The following TEKT5 variants were observed in gnomAD, a reference collection of about 807,000 sequenced individuals.
TEKT5 encodes the protein tektin-5.
TEKT5 carries 52 observed loss-of-function variants against 48.7 expected under a neutral mutation model. The observed-to-expected ratio is 1.07, with a 90% CI of 0.86 to 1.35. The LOEUF is 1.35. Ranked by LOEUF, TEKT5 falls within the 40% of genes most tolerant of loss-of-function variation. The pLI is 0.00. For synonymous variants in TEKT5, 318 were observed against 267.6 expected, an observed-to-expected ratio of 1.19 and a Z score of -1.84; for missense variants, 831 against 641.6, an observed-to-expected ratio of 1.30 and a Z score of -3.19.
rs947276735 is a variant in TEKT5, at chr16:10,658,162, C to A, written c.1086+17797G>T. 2.6e-5 allele frequency among the ~76,000 whole-genome samples: 4 copies of A among 152,104 alleles called. No homozygotes were observed. In the East Asian group the frequency reaches 5.8e-4, roughly 22 times the overall value. On this transcript the variant is annotated intron_variant, in intron 5 of 6. Transcript: ENST00000283025. ...GCAGAGAAACTGGACCACTTATATG[C>A]GGCTGGTGGAAGTCAATATTTGTCA...
In TEKT5 at chr16:10,650,466, G is replaced by A. The variant is rs1032362770; in HGVS notation, c.1087-14548C>T. 3.3e-5 allele frequency among the ~76,000 whole-genome samples: 5 copies of A among 152,010 alleles called. No individual in the cohort carries two copies. The South Asian group carries it at 6.2e-4, about 19-fold the overall frequency. On this transcript the variant is annotated intron_variant, in intron 5 of 6. Coordinates refer to ENST00000283025, the MANE Select transcript of TEKT5 (RefSeq NM_144674.2). ...AGAATTGGCTTCCCTAGAACCTATCGATGACTCACACCCAAGGCAAATCTG... is the reference window on the plus strand; with the variant it reads ...AGAATTGGCTTCCCTAGAACCTATCAATGACTCACACCCAAGGCAAATCTG...
intron 4 of TEKT5, among the ~76,000 whole-genome samples, chr16:10,678,385 C>T (rs1898686862): frequency 4.6e-5 from 7 of 152,216 alleles, no homozygotes; most frequent in Admixed American, 4.6e-4. Context: ...GTCTGAGCCA[C>T]CGCACCCGGC....
chr16:10,674,029 C>G (rs1036087314), intron 5 of TEKT5, among the ~76,000 whole-genome samples: 3 of 152,126 alleles, frequency 2.0e-5, no homozygotes, highest in African/African-American at 7.2e-5. Context: ...AAGCTTGGAT[C>G]CAAACACTGT....
chr16:10,687,650 G>C (rs924027451), intron 3 of TEKT5, among the ~76,000 whole-genome samples: 2 of 152,256 alleles, frequency 1.3e-5, no homozygotes, highest in African/African-American at 4.8e-5. Context: ...CTACTCGGGA[G>C]GCTGAGGCAG....
rs550603601 is a variant in TEKT5 at position 10,641,124 on chromosome 16, G to A, written c.1087-5206C>T. Among the ~76,000 whole-genome samples, 26 of 149,610 alleles carry A rather than the reference G, an allele frequency of 1.7e-4. 2 individuals carry two copies. The South Asian group carries it at 4.1e-3, about 24-fold the overall frequency. On this transcript the variant is annotated intron_variant, in intron 5 of 6. Transcript: ENST00000283025. ...CGACTGCCAGTTGCTCCCCACCTTCGTCAACACTTAGTGTGGTCAGTCTTT... is the reference window on the plus strand; with the variant it reads ...CGACTGCCAGTTGCTCCCCACCTTCATCAACACTTAGTGTGGTCAGTCTTT...
In TEKT5 at chr16:10,643,215, T is replaced by TA. The variant is rs747415035; in HGVS notation, c.1087-7298dup. ...GGGCAACACAGTGAGACCCCATCTC[T>TA]AAAAAAAAAAAAAATTTTCTGGGCC... On this transcript the variant is annotated intron_variant, in intron 5 of 6. Transcript: ENST00000283025. 8.2e-3 allele frequency among the ~76,000 whole-genome samples: 1,171 copies of TA among 142,544 alleles called. 8 individuals carry two copies. The highest frequency in any genetic ancestry group is 0.026 in the African/African-American group (1,011 of 39,008). 93.5% of individuals were successfully genotyped at this position (142,544 alleles called of 152,430 possible).
intron 5 of TEKT5, among the ~76,000 whole-genome samples, chr16:10,650,825 C>T (rs757088476): frequency 1.3e-5 from 2 of 150,358 alleles, no homozygotes; most frequent in Non-Finnish European, 2.9e-5. Flanking sequence ...GCGGAGGTTA[C>T]AGTGAGCAGA....
intron 6 of TEKT5, among the ~76,000 whole-genome samples, chr16:10,635,182 C>CG (rs1897896320): frequency 8.0e-6 from 1 of 124,372 alleles, no homozygotes. Flanking sequence ...CCCCACCCCC[C>CG]ACCCCCCACA....
At chr16:10,682,274 A>T in intron 3 of TEKT5, 138 bp from the exon 4 acceptor site, 1 of 865,796 alleles carries the variant, frequency 1.2e-6, no homozygotes, top group Non-Finnish European at 1.8e-6. Flanking sequence ...TCCCACCTCC[A>T]TGTCCCACCA....
intron 1 of TEKT5, among the ~76,000 whole-genome samples, chr16:10,693,207 T>C (rs573826897): frequency 6.6e-6 from 1 of 152,198 alleles, no homozygotes; most frequent in Non-Finnish European, 1.5e-5. Context: ...GAGATTCTTA[T>C]GCTTCAGCCT....
intron 4 of TEKT5, among the ~76,000 whole-genome samples, chr16:10,677,415 G>A (rs943751271): frequency 1.4e-5 from 2 of 147,050 alleles, no homozygotes; most frequent in Non-Finnish European, 2.9e-5. Context: ...TTTGAGACCA[G>A]CCTGGCCAAC....
intron 3 of TEKT5, 47 bp from the exon 4 acceptor site, chr16:10,682,183 T>C (rs1321029127): frequency 6.3e-7 from 1 of 1,594,292 alleles, no homozygotes; most frequent in Non-Finnish European, 8.6e-7. Context: ...CTGCACAGAG[T>C]ACCCAGCTTG....
chr16:10,636,004 G>C, intron 5 of TEKT5, 86 bp from the exon 6 acceptor site: 2 of 1,558,796 alleles, frequency 1.3e-6, no homozygotes, highest in Non-Finnish European at 1.7e-6. Context: ...AGTCAGCTAG[G>C]TCAGCCTCCA....
chr16:10,673,552 G>A (rs112567125), intron 5 of TEKT5, among the ~76,000 whole-genome samples: 1 of 151,764 alleles, frequency 6.6e-6, no homozygotes, highest in Admixed American at 6.6e-5. Flanking sequence ...CCCTTTTCTG[G>A]TCCTTCTTCC....
rs1567228466 is a variant in TEKT5, at chr16:10,652,866, CA to C, written c.1087-16949del. 1.5e-4 allele frequency among the ~76,000 whole-genome samples: 22 copies of C among 148,454 alleles called. 1 individual carries two copies. The highest frequency in any genetic ancestry group is 6.0e-4 in the East Asian group (3 of 5,020). On this transcript the variant is annotated intron_variant, in intron 5 of 6. Transcript: ENST00000283025. ...ACACACACACACACACACACACACA[CA>C]CACCCTCCAGGTCAGGTAGAGCGAT...
intron 5 of TEKT5, among the ~76,000 whole-genome samples, chr16:10,641,014 T>C (rs1011571523): frequency 6.6e-6 from 1 of 152,178 alleles, no homozygotes; most frequent in African/African-American, 2.4e-5. Context: ...AGCTGGATCA[T>C]AGAATAGGTC....
rs201033933 is a variant in TEKT5 at position 10,631,425 on chromosome 16, G to T, written c.1242-3626C>A. On this transcript the variant is annotated intron_variant, in intron 6 of 6. Transcript: ENST00000283025. ...TTCGGGATAACCTCCAGGCTGCTGT[G>T]TAAGATGAGATTGGAAGGGGGCAAG... is the stretch of plus-strand genomic sequence containing the variant. Among the ~76,000 whole-genome samples, 68 of 152,040 alleles carry T rather than the reference G, an allele frequency of 4.5e-4. 1 individual carries two copies. The East Asian group carries it at 0.011, about 25-fold the overall frequency.
chr16:10,657,702 G>A (rs1217033196), intron 5 of TEKT5, among the ~76,000 whole-genome samples: 3 of 150,418 alleles, frequency 2.0e-5, no homozygotes, highest in Non-Finnish European at 2.9e-5. Flanking sequence ...CCATTCTCCT[G>A]CCTCAGCCTC....
chr16:10,646,149 A>T (rs1035934028), intron 5 of TEKT5, among the ~76,000 whole-genome samples: 24 of 151,920 alleles, frequency 1.6e-4, no homozygotes, highest in Non-Finnish European at 2.4e-4. Flanking sequence ...AAAAAAAAAA[A>T]TTTGTTGATC....
Sources: gnomAD v4.1 joint callset for allele counts (sites outside exome capture counted in the v4.1 genomes callset) on GRCh38, gnomAD v4.1.1 for gene constraint, MANE v1.5 for transcripts, NCBI Gene and HGNC (gene_info 2026-07-23, HGNC 2026-07-21) for gene names.